The following GRAMD2B variants were observed in gnomAD, a reference collection of about 807,000 sequenced individuals.
GRAMD2B encodes the protein GRAM domain-containing protein 2B.
A neutral mutation model predicts 59.2 loss-of-function variants in GRAMD2B; 41 were observed. That is an observed-to-expected ratio of 0.69 (90% confidence interval 0.54 to 0.90). The LOEUF (loss-of-function observed/expected upper bound fraction) is 0.90, where lower values mean the gene tolerates loss of function less well. Among genes scored for constraint, GRAMD2B ranks in the 40% least tolerant of loss-of-function variants. The probability of loss-of-function intolerance (pLI) is 0.00; values close to 1 mark genes in which losing one functional copy is unlikely to be tolerated. For synonymous variants in GRAMD2B, 161 were observed against 182.7 expected, an observed-to-expected ratio of 0.88 and a Z score of 0.96; for missense variants, 424 against 500.5, an observed-to-expected ratio of 0.85 and a Z score of 1.46.
intron 1 of GRAMD2B, among the ~76,000 whole-genome samples, chr5:126,436,873 C>CA (rs1762497433): frequency 2.0e-5 from 3 of 151,512 alleles, no homozygotes; most frequent in Admixed American, 6.6e-5. Context: ...CCTACTCTGC[C>CA]AAAAAAAGAC....
intron 1 of GRAMD2B, among the ~76,000 whole-genome samples, chr5:126,387,204 G>A (rs1311190944): frequency 1.3e-5 from 2 of 150,898 alleles, no homozygotes; most frequent in Non-Finnish European, 3.0e-5. Flanking sequence ...TAATAATAAA[G>A]AAAATAGAAG....
chr5:126,470,586 T>TCC (rs1331207922), intron 3 of GRAMD2B, among the ~76,000 whole-genome samples: 2 of 151,148 alleles, frequency 1.3e-5, no homozygotes, highest in Admixed American at 1.3e-4. Context: ...CAAGGCAGAG[T>TCC]CTTGCTCTGT....
chr5:126,361,990 T>C lies in GRAMD2B; in HGVS notation c.128+1531T>C, dbSNP rs971257715. ...ATTCCCAGCAATGCACACAAGCATGTTAAGCCTACCACCATCACCCCAAAT... is the reference window on the plus strand; with the variant it reads ...ATTCCCAGCAATGCACACAAGCATGCTAAGCCTACCACCATCACCCCAAAT... On this transcript the variant is annotated intron_variant, in intron 1 of 13. Transcript: ENST00000513040. Among the ~76,000 whole-genome samples the C allele has an allele frequency of 4.6e-5, 7 of 152,348 alleles. No individual in the cohort carries two copies. The East Asian group carries it at 1.3e-3, about 29-fold the overall frequency.
At chr5:126,392,437 G>A (rs1756904829) in intron 1 of GRAMD2B, among the ~76,000 whole-genome samples, 1 of 152,180 alleles carries the variant, frequency 6.6e-6, no homozygotes, top group African/African-American at 2.4e-5. Flanking sequence ...CAATATGTGT[G>A]CAATATTTCT....
At chr5:126,408,850 C>T (rs1471562103) in intron 1 of GRAMD2B, among the ~76,000 whole-genome samples, 8 of 119,898 alleles carry the variant, frequency 6.7e-5, no homozygotes, top group African/African-American at 9.5e-5. Context: ...TCCCCCCACC[C>T]GACAACAGTC....
intron 1 of GRAMD2B, among the ~76,000 whole-genome samples, chr5:126,451,743 G>T (rs980360160): frequency 6.6e-6 from 1 of 152,200 alleles, no homozygotes; most frequent in Non-Finnish European, 1.5e-5. Context: ...CAAATCTCAT[G>T]TTCCAGTGTG....
chr5:126,442,574 G>A (rs900363573), intron 1 of GRAMD2B, among the ~76,000 whole-genome samples: 3 of 152,136 alleles, frequency 2.0e-5, no homozygotes, highest in South Asian at 2.1e-4. Context: ...TTACAGGCGT[G>A]AGCGACCGCG....
At chr5:126,435,442 G>A (rs1762250493) in intron 1 of GRAMD2B, among the ~76,000 whole-genome samples, 1 of 152,170 alleles carries the variant, frequency 6.6e-6, no homozygotes, top group Non-Finnish European at 1.5e-5. Context: ...GTCTCCTGTG[G>A]CGTGACTGGC....
intron 1 of GRAMD2B, among the ~76,000 whole-genome samples, chr5:126,378,783 A>G (rs1484486636): frequency 6.6e-6 from 1 of 152,230 alleles, no homozygotes; most frequent in Non-Finnish European, 1.5e-5. Context: ...AAATATTGGT[A>G]GGAAAACTAA....
rs762613546 is a variant in GRAMD2B, at chr5:126,486,894, G to A, written c.1080G>A (p.Ser360=). 6.8e-6 allele frequency: 11 copies of A among 1,611,136 alleles called. No individual in the cohort carries two copies. In the East Asian group the frequency reaches 1.3e-4, roughly 20 times the overall value. The change falls in exon 12 of 14, where the codon TCG becomes TCA. Residue 360 remains serine, a synonymous_variant. Transcript: ENST00000285689. Reference sequence around the variant, plus strand: ...CCAGTGTCTGTGCACTAATCATCTCGACCTTCTACATGAGATACAGAATTA... The same window carrying A: ...CCAGTGTCTGTGCACTAATCATCTCAACCTTCTACATGAGATACAGAATTA... ...YAIVVCALII[S]TFYMRYRINT... is the part of the protein sequence containing the mutation.
At chr5:126,407,214 T>A (rs924951608) in intron 1 of GRAMD2B, among the ~76,000 whole-genome samples, 1 of 152,024 alleles carries the variant, frequency 6.6e-6, no homozygotes, top group Non-Finnish European at 1.5e-5. Context: ...AGGTGCCTAG[T>A]CTAAACAACT....
intron 13 of GRAMD2B, among the ~76,000 whole-genome samples, chr5:126,491,578 AT>A: frequency 6.6e-6 from 1 of 152,188 alleles, no homozygotes; most frequent in East Asian, 1.9e-4. Flanking sequence ...TACATATCAG[AT>A]CCCCTTCCTC....
intron 1 of GRAMD2B, among the ~76,000 whole-genome samples, chr5:126,393,140 G>C (rs1041293330): frequency 2.0e-5 from 3 of 152,022 alleles, no homozygotes; most frequent in African/African-American, 7.2e-5. Context: ...CCCTTCCTCT[G>C]TTTCCCTTCC....
At position 126,483,578 on chromosome 5, in the gene GRAMD2B, T is replaced by C; in HGVS notation, c.847+4T>C. The C allele has an allele frequency of 6.5e-7, 1 of 1,538,694 alleles. No individual in the cohort carries two copies. The highest frequency in any genetic ancestry group is 1.1e-5 in the South Asian group (1 of 88,990). On this transcript the variant is annotated splice_donor_region_variant and intron_variant, in intron 9 of 13. Coordinates refer to ENST00000285689, the MANE Select transcript of GRAMD2B (RefSeq NM_023927.4). Reference sequence around the variant, plus strand: ...CCTGAATCTGAGAACTCTCGAGGTTTGGGAAATTGTTGTATTTTGACTAAA... The same window carrying C: ...CCTGAATCTGAGAACTCTCGAGGTTCGGGAAATTGTTGTATTTTGACTAAA...
chr5:126,381,337 T>A (rs2149704725), intron 1 of GRAMD2B, among the ~76,000 whole-genome samples: 1 of 152,316 alleles, frequency 6.6e-6, no homozygotes, highest in Admixed American at 6.5e-5. Context: ...TCTATGTTCA[T>A]CAGGGATATT....
intron 1 of GRAMD2B, among the ~76,000 whole-genome samples, chr5:126,375,622 G>A (rs1203550277): frequency 1.3e-5 from 2 of 151,932 alleles, no homozygotes; most frequent in African/African-American, 2.4e-5. Flanking sequence ...CACCCTTCTC[G>A]GCCTCCCAAA....
At chr5:126,484,011 G>A (rs2126932811) in intron 9 of GRAMD2B, among the ~76,000 whole-genome samples, 1 of 152,240 alleles carries the variant, frequency 6.6e-6, no homozygotes, top group Non-Finnish European at 1.5e-5. Flanking sequence ...GTTATTTTTA[G>A]TAGAGACGGG....
chr5:126,407,060 T>C (rs1361487151), intron 1 of GRAMD2B, among the ~76,000 whole-genome samples: 1 of 152,040 alleles, frequency 6.6e-6, no homozygotes. Flanking sequence ...ATTGTGATAA[T>C]TTGACATTCT....
Position 126,451,692 on chromosome 5 carries a change from G to T in GRAMD2B, c.84-13734G>T, listed in dbSNP as rs532078260. On this transcript the variant is annotated intron_variant, in intron 1 of 13. Coordinates refer to ENST00000285689, the MANE Select transcript of GRAMD2B (RefSeq NM_023927.4). ...TGCAATGTGAGGACGAGATGTGGGG[G>T]GCCAGCGGCAGAATGATATGGTTTG... 1.9e-3 allele frequency among the ~76,000 whole-genome samples: 292 copies of T among 152,218 alleles called. 1 individual carries two copies. The highest frequency in any genetic ancestry group is 6.8e-3 in the Middle Eastern group (2 of 294).
Sources: allele counts gnomAD v4.1 joint callset (sites outside exome capture counted in the v4.1 genomes callset), GRCh38; gene constraint gnomAD v4.1.1; transcripts MANE v1.5; gene names NCBI Gene and HGNC (gene_info 2026-07-23, HGNC 2026-07-21).